Variants in GPN3 observed in about 807,000 individuals in gnomAD.
The protein encoded by GPN3 is ATP-binding domain 1 family member C.
In GPN3, 31 loss-of-function variants were observed where a neutral mutation model predicts 38.7. The ratio of observed to expected loss-of-function variants is 0.80; its 90% CI spans 0.60 to 1.08. The LOEUF is 1.08. GPN3 is among the 50% of genes least tolerant of loss of function. GPN3 has a pLI of 0.00. For missense variants in GPN3, 301 were observed against 354.4 expected, an observed-to-expected ratio of 0.85 and a Z score of 1.21; for synonymous variants, 116 against 120.2, an observed-to-expected ratio of 0.96 and a Z score of 0.23.
At chr12:110,455,267 C>T (rs958029599) in intron 6 of GPN3, among the ~76,000 whole-genome samples, 7 of 151,634 alleles carry the variant, frequency 4.6e-5, no homozygotes, top group South Asian at 2.1e-4. Context: ...GGATTACAGG[C>T]GCACACCACC....
At chr12:110,454,837 T>C (rs1392371054) in intron 6 of GPN3, among the ~76,000 whole-genome samples, 2 of 151,710 alleles carry the variant, frequency 1.3e-5, no homozygotes, top group African/African-American at 4.8e-5. Context: ...TTTTTTTTTT[T>C]TGAGACAGAG....
intron 2 of GPN3, among the ~76,000 whole-genome samples, chr12:110,460,252 G>A (rs2062577443): frequency 6.6e-6 from 1 of 152,186 alleles, no homozygotes; most frequent in Admixed American, 6.5e-5. Flanking sequence ...CACAGGCTAT[G>A]AAAGAACACA....
In GPN3 at chr12:110,455,809, A is replaced by G; in HGVS notation, c.566+6T>C. On this transcript the variant is annotated splice_donor_region_variant and intron_variant, in intron 5 of 7. Coordinates refer to ENST00000228827, the MANE Select transcript of GPN3 (RefSeq NM_016301.4). ...TCTGATAATAATGGAAGAACAGTGA[A>G]CTCACTTCTCAATTTCCTTTTTTGC... 1 of 1,335,900 alleles carries G rather than the reference A, an allele frequency of 7.5e-7. No homozygotes were observed. Among genetic ancestry groups the G allele is most frequent in the Non-Finnish European group, 1.1e-6 (1 of 925,972 alleles). The allele number at this position is 1,335,900 out of a possible 1,614,324, so 82.8% of individuals were successfully genotyped here. A position where few individuals can be genotyped will look rare whatever the true frequency, so the allele number is the denominator to read the frequency against.
rs1399379736 is a variant in GPN3 at position 110,452,731 on chromosome 12, A to G, written c.*303T>C. The G allele has an allele frequency of 1.2e-5, 3 of 257,008 alleles. No homozygotes were observed. Among genetic ancestry groups the G allele is most frequent in the African/African-American group, 4.6e-5 (2 of 43,518 alleles). 15.9% of individuals were successfully genotyped at this position (257,008 alleles called of 1,614,324 possible). ...CTCAAAAATAATACAAAAAGTGAAA[A>G]TAAGTTTAGACCAGCCTTAACCTTA... On this transcript the variant is annotated 3_prime_UTR_variant, in exon 8 of 8. Transcript: ENST00000228827.
rs181558824 is a variant in GPN3, at chr12:110,463,407, G to T, written c.157+1699C>A. Among the ~76,000 whole-genome samples the T allele has an allele frequency of 3.5e-3, 473 of 137,058 alleles. 4 individuals are homozygous for T. Among genetic ancestry groups the T allele is most frequent in the African/African-American group, 0.015 (459 of 30,202 alleles). 89.9% of individuals were successfully genotyped at this position (137,058 alleles called of 152,430 possible). A position where few individuals can be genotyped will look rare whatever the true frequency, so the allele number is the denominator to read the frequency against. ...TGAGACTGCAATGAGCTGTGATCAG[G>T]CTACTATACTATATAGCCTGGGTGA... On this transcript the variant is annotated intron_variant, in intron 2 of 7. Transcript: ENST00000228827.
chr12:110,452,906 T>C lies in GPN3; in HGVS notation c.*128A>G. 1.5e-6 allele frequency: 1 copy of C among 681,438 alleles called. No individual in the cohort carries two copies. The highest frequency in any genetic ancestry group is 2.7e-6 in the Non-Finnish European group (1 of 369,026). The allele number at this position is 681,438 out of a possible 1,614,324, so 42.2% of individuals were successfully genotyped here. On this transcript the variant is annotated 3_prime_UTR_variant, in exon 8 of 8. Coordinates refer to ENST00000228827, the MANE Select transcript of GPN3 (RefSeq NM_016301.4). ...TAAAAATTTGATTCAGGCATGAGGCTGATAAAGAACGAAGTTTTACTTTTT... is the reference window on the plus strand; with the variant it reads ...TAAAAATTTGATTCAGGCATGAGGCCGATAAAGAACGAAGTTTTACTTTTT...
intron 4 of GPN3, among the ~76,000 whole-genome samples, chr12:110,456,999 C>T (rs1244179284): frequency 6.6e-6 from 1 of 151,912 alleles, no homozygotes; most frequent in Non-Finnish European, 1.5e-5. Context: ...CACCCAGCAA[C>T]CTCAGTTTTT....
chr12:110,456,329 CAAAAAAA>C (rs59734369), intron 4 of GPN3, among the ~76,000 whole-genome samples: 1 of 67,062 alleles, frequency 1.5e-5, no homozygotes, highest in Non-Finnish European at 3.2e-5. Flanking sequence ...AACTTGGTCT[CAAAAAAA>C]AAAAAAAAAA....
intron 3 of GPN3, among the ~76,000 whole-genome samples, chr12:110,459,240 G>GTTTTTT (rs60209835): frequency 7.0e-6 from 1 of 142,394 alleles, no homozygotes. Context: ...ACTTTTTTTT[G>GTTTTTT]TTTTTTTTTT....
rs1218414260 is a variant in GPN3, at chr12:110,464,389, TG to T, written c.157+716del. 4.6e-5 allele frequency among the ~76,000 whole-genome samples: 7 copies of T among 152,108 alleles called. No individual in the cohort carries two copies. The East Asian group carries it at 1.3e-3, about 29-fold the overall frequency. Reference sequence around the variant, plus strand: ...GGTTGGTGTGGGCAGGGATAATGTCTGTATTATTCTCTGCTATAACTCCGGT... The same window carrying T: ...GGTTGGTGTGGGCAGGGATAATGTCTTATTATTCTCTGCTATAACTCCGGT... On this transcript the variant is annotated intron_variant, in intron 2 of 7. Coordinates refer to ENST00000228827, the MANE Select transcript of GPN3 (RefSeq NM_016301.4).
chr12:110,452,780 A>T lies in GPN3; in HGVS notation c.*254T>A. On this transcript the variant is annotated 3_prime_UTR_variant, in exon 8 of 8. Transcript: ENST00000228827. ...TAGCTCAGGTGCTAATTTATATATA[A>T]ATCTATGTGCATTCATTTCAATTTT... The T allele has an allele frequency of 2.5e-6, 1 of 392,470 alleles. No individual in the cohort carries two copies. The allele number at this position is 392,470 out of a possible 1,614,324, so 24.3% of individuals were successfully genotyped here.
chr12:110,468,407 A>C, upstream of GPN3: 1 of 1,532,236 alleles, frequency 6.5e-7, no homozygotes, highest in Non-Finnish European at 8.7e-7. Context: ...GAGGGAGAGG[A>C]TTTGCGCGTG....
intron 2 of GPN3, chr12:110,461,500 T>A: frequency 2.0e-6 from 1 of 497,936 alleles, no homozygotes; most frequent in East Asian, 3.6e-5. Flanking sequence ...CTCGGGAGGC[T>A]GAGGCAGGAG....
chr12:110,460,762 C>T (rs376176951), intron 2 of GPN3, among the ~76,000 whole-genome samples: 2 of 152,106 alleles, frequency 1.3e-5, no homozygotes, highest in Non-Finnish European at 2.9e-5. Flanking sequence ...ATCAGGAGTT[C>T]GAGACCAGCC....
At chr12:110,453,230 A>G in intron 7 of GPN3, 134 bp from the exon 8 acceptor site, 1 of 538,654 alleles carries the variant, frequency 1.9e-6, no homozygotes, top group Non-Finnish European at 3.3e-6. Flanking sequence ...TGCTGCTTAT[A>G]GGTAACTGTT....
At chr12:110,464,870 G>A in intron 2 of GPN3, 1 of 477,730 alleles carries the variant, frequency 2.1e-6, no homozygotes, top group South Asian at 2.4e-5. Context: ...TGGAATTACA[G>A]GCATGAGCCT....
chr12:110,456,678 C>T (rs1330561513), intron 4 of GPN3, among the ~76,000 whole-genome samples: 1 of 150,290 alleles, frequency 6.7e-6, no homozygotes, highest in Non-Finnish European at 1.5e-5. Context: ...TTTTTTCTCC[C>T]CCACTACTTC....
intron 1 of GPN3, 127 bp from the exon 2 acceptor site, chr12:110,465,341 G>T (rs1297192055): frequency 3.0e-6 from 2 of 674,976 alleles, no homozygotes; most frequent in Admixed American, 4.4e-5. Context: ...CTGACAACAA[G>T]GGAAAAAGAT....
chr12:110,463,606 C>CAAAAAAAAAAAAAAAAAAAAAA, intron 2 of GPN3, among the ~76,000 whole-genome samples: 1 of 64,286 alleles, frequency 1.6e-5, no homozygotes, highest in Non-Finnish European at 2.7e-5. Flanking sequence ...CCTGTCTCTA[C>CAAAAAAAAAAAAAAAAAAAAAA]AAAAAAAAAA....
Sources: gnomAD v4.1 joint callset for allele counts (sites outside exome capture counted in the v4.1 genomes callset) on GRCh38, gnomAD v4.1.1 for gene constraint, MANE v1.5 for transcripts, NCBI Gene and HGNC (gene_info 2026-07-23, HGNC 2026-07-21) for gene names.